Variants in INTU observed in about 807,000 individuals in gnomAD.
The protein encoded by INTU is protein inturned.
A neutral mutation model predicts 100.5 loss-of-function variants in INTU; 68 were observed. That is an observed-to-expected ratio of 0.68 (90% CI 0.56 to 0.83). INTU has a LOEUF of 0.83. INTU is among the 40% of genes least tolerant of loss of function. The pLI, the probability that INTU is intolerant of heterozygous loss-of-function variation, is 0.00. For synonymous variants in INTU, 357 were observed against 395.7 expected (o/e 0.90, Z 1.16); for missense variants, 1,071 against 1,114.7 (o/e 0.96, Z 0.56).
At chr4:127,690,596 G>A (rs1730071958) in intron 8 of INTU, among the ~76,000 whole-genome samples, 1 of 152,178 alleles carries the variant, frequency 6.6e-6, no homozygotes, top group South Asian at 2.1e-4. Flanking sequence ...TGGGAAGAGA[G>A]CTAGATACCT....
chr4:127,656,912 GA>G (rs1211059388), intron 3 of INTU, among the ~76,000 whole-genome samples, 191 bp downstream of exon 3: 1 of 152,130 alleles, frequency 6.6e-6, no homozygotes, highest in East Asian at 1.9e-4. Context: ...TCTAAAAAGA[GA>G]GAAAAATATC....
In INTU at chr4:127,708,730, A is replaced by G. The variant is rs56269930; in HGVS notation, c.2369+62A>G. The G allele has an allele frequency of 5.9e-3, 4,494 of 760,030 alleles. 166 individuals carry two copies. In the African/African-American group the frequency reaches 0.069, roughly 12 times the overall value. The allele number at this position is 760,030 out of a possible 1,614,324, so 47.1% of individuals were successfully genotyped here. A position where few individuals can be genotyped will look rare whatever the true frequency, so the allele number is the denominator to read the frequency against. On this transcript the variant is annotated intron_variant, in intron 13 of 15. Coordinates refer to ENST00000335251, the MANE Select transcript of INTU (RefSeq NM_015693.4). ...GGAAGTTTTACAGTGAGAAAGTACA[A>G]TTTTATAACATGTATTTTACTCAAC...
At chr4:127,669,710 C>T (rs1260662019) in intron 5 of INTU, among the ~76,000 whole-genome samples, 3 of 151,792 alleles carry the variant, frequency 2.0e-5, no homozygotes, top group African/African-American at 7.3e-5. Context: ...AATTTTCCTG[C>T]CCTCCCACCC....
Position 127,711,015 on chromosome 4 carries a change from T to C in INTU, c.2472T>C (p.Ser824=). 6.2e-7 allele frequency: 1 copy of C among 1,609,918 alleles called. No individual in the cohort carries two copies. Among genetic ancestry groups the C allele is most frequent in the Non-Finnish European group, 8.5e-7 (1 of 1,177,216 alleles). The change falls in exon 14 of 16, where the codon AGT becomes AGC. Residue 824 remains serine (S), a synonymous_variant. Transcript: ENST00000335251. The part of the protein sequence containing the change: ...TPTLEEVAQL[S]GSIHPQLIKN... ...CCCTTGAAGAGGTGGCACAGCTAAGTGGCTCTATCCACCCTCAGCTAATAA... is the reference window on the plus strand; with the variant it reads ...CCCTTGAAGAGGTGGCACAGCTAAGCGGCTCTATCCACCCTCAGCTAATAA...
chr4:127,689,945 G>A (rs868155891), intron 8 of INTU, among the ~76,000 whole-genome samples: 2 of 152,234 alleles, frequency 1.3e-5, no homozygotes, highest in Middle Eastern at 3.4e-3. Flanking sequence ...GTACCATCTC[G>A]TGAGGCTTGC....
intron 3 of INTU, among the ~76,000 whole-genome samples, 184 bp downstream of exon 3, chr4:127,656,905 A>G (rs1464707569): frequency 6.6e-6 from 1 of 152,178 alleles, no homozygotes; most frequent in South Asian, 2.1e-4. Flanking sequence ...AGATTATTCT[A>G]AAAAGAGAGA....
Position 127,726,227 on chromosome 4 carries a change from G to A in INTU, c.*9791G>A, listed in dbSNP as rs1684408801. ...CCTAGTAAGGGAATGTTTCTTATTT[G>A]TGCCAAGGGACTATTGATGATGCTG... On this transcript the variant is annotated 3_prime_UTR_variant, in exon 16 of 16. Transcript: ENST00000335251. The A allele has an allele frequency of 6.6e-6, 1 of 151,978 alleles. No individual in the cohort carries two copies. Among genetic ancestry groups the A allele is most frequent in the Non-Finnish European group, 1.5e-5 (1 of 67,990 alleles). The allele number at this position is 151,978 out of a possible 1,614,324, so 9.4% of individuals were successfully genotyped here.
chr4:127,651,246 T>G (rs1024384834), intron 2 of INTU, among the ~76,000 whole-genome samples: 4 of 152,152 alleles, frequency 2.6e-5, no homozygotes, highest in South Asian at 4.1e-4. Context: ...GTCAATTTTG[T>G]CTTTTGTTGC....
At chr4:127,646,626 C>T (rs1224638805) in intron 2 of INTU, among the ~76,000 whole-genome samples, 3 of 152,100 alleles carry the variant, frequency 2.0e-5, no homozygotes, top group East Asian at 1.9e-4. Flanking sequence ...AAAGAAGCTC[C>T]CCCTCACCTC....
intron 6 of INTU, among the ~76,000 whole-genome samples, chr4:127,679,326 A>G (rs1410038387): frequency 1.3e-5 from 2 of 152,142 alleles, no homozygotes; most frequent in African/African-American, 4.8e-5. Flanking sequence ...CACCACACCT[A>G]TTCCAAAATT....
intron 6 of INTU, among the ~76,000 whole-genome samples, chr4:127,683,516 C>G (rs1166000945): frequency 6.6e-6 from 1 of 152,170 alleles, no homozygotes; most frequent in African/African-American, 2.4e-5. Flanking sequence ...GAACTCACAG[C>G]CCTGGGATTT....
At chr4:127,704,396 T>C (rs1168429095) in intron 10 of INTU, 106 bp downstream of exon 10, 8 of 858,026 alleles carry the variant, frequency 9.3e-6, no homozygotes, top group Non-Finnish European at 1.5e-5. Flanking sequence ...TTCTTTCAAA[T>C]GTAGGTACCA....
chr4:127,685,440 A>G (rs1416809278), intron 7 of INTU: 3 of 455,726 alleles, frequency 6.6e-6, no homozygotes, highest in African/African-American at 6.0e-5. Flanking sequence ...TTGTTCTTAC[A>G]GTATCATGAA....
At chr4:127,660,831 C>A (rs1044288793) in intron 3 of INTU, among the ~76,000 whole-genome samples, 1 of 152,140 alleles carries the variant, frequency 6.6e-6, no homozygotes, top group East Asian at 1.9e-4. Flanking sequence ...TAAGAAGCTT[C>A]ATGTAAACTA....
At chr4:127,703,699 A>G (rs1403798810) in intron 9 of INTU, among the ~76,000 whole-genome samples, 4 of 152,042 alleles carry the variant, frequency 2.6e-5, no homozygotes, top group Non-Finnish European at 5.9e-5. Context: ...ATTTCATGTT[A>G]TCTCTAATTT....
chr4:127,657,341 C>A (rs1262528845), intron 3 of INTU, among the ~76,000 whole-genome samples: 1 of 151,946 alleles, frequency 6.6e-6, no homozygotes, highest in Non-Finnish European at 1.5e-5. Flanking sequence ...AAGTGCTATA[C>A]CTTTTGGTAA....
At chr4:127,710,458 C>T (rs901938888) in intron 13 of INTU, among the ~76,000 whole-genome samples, 4 of 152,100 alleles carry the variant, frequency 2.6e-5, no homozygotes, top group African/African-American at 4.8e-5. Context: ...TGGTAAAATA[C>T]TTTAATGCTA....
chr4:127,643,105 A>G (rs1484696868), intron 1 of INTU, among the ~76,000 whole-genome samples: 3 of 152,212 alleles, frequency 2.0e-5, no homozygotes, highest in African/African-American at 7.2e-5. Flanking sequence ...CAATTTCCAA[A>G]TGGCATGCTT....
chr4:127,689,987 C>A (rs1379850196), intron 8 of INTU, among the ~76,000 whole-genome samples: 3 of 152,028 alleles, frequency 2.0e-5, no homozygotes, highest in Non-Finnish European at 2.9e-5. Context: ...AGGTTCTTGC[C>A]CCTCTGTCAG....
Sources: gnomAD v4.1 joint callset for allele counts (sites outside exome capture counted in the v4.1 genomes callset) on GRCh38, gnomAD v4.1.1 for gene constraint, MANE v1.5 for transcripts, NCBI Gene and HGNC (gene_info 2026-07-23, HGNC 2026-07-21) for gene names.